ST6GALNAC3: variants seen among roughly 807,000 people sequenced by gnomAD.
The protein encoded by ST6GALNAC3 is alpha-N-acetylgalactosaminide alpha-2,6-sialyltransferase 3.
Under a neutral mutation model 32.7 loss-of-function variants are expected in ST6GALNAC3, and 25 were observed. The observed-to-expected ratio is 0.76, with a 90% confidence interval of 0.56 to 1.07. The LOEUF (loss-of-function observed/expected upper bound fraction) is 1.07, where lower values mean the gene tolerates loss of function less well. ST6GALNAC3 is among the 50% of genes least tolerant of loss of function. The probability of loss-of-function intolerance (pLI) is 0.00; values close to 1 mark genes in which losing one functional copy is unlikely to be tolerated. For missense variants in ST6GALNAC3, 355 were observed against 382.4 expected, an observed-to-expected ratio of 0.93 and a Z score of 0.60; for synonymous variants, 129 against 133.1, an observed-to-expected ratio of 0.97 and a Z score of 0.21.
chr1:76,097,620 G>A (rs1209773489), intron 1 of ST6GALNAC3, among the ~76,000 whole-genome samples: 1 of 152,084 alleles, frequency 6.6e-6, no homozygotes, highest in Non-Finnish European at 1.5e-5. Context: ...GACTAATACA[G>A]CTTCTTTTTT....
chr1:76,449,777 T>C (rs983199282), intron 3 of ST6GALNAC3, among the ~76,000 whole-genome samples: 1 of 152,260 alleles, frequency 6.6e-6, no homozygotes, highest in Non-Finnish European at 1.5e-5. Context: ...AACGGTCTTT[T>C]GTCAGATTGC....
intron 1 of ST6GALNAC3, among the ~76,000 whole-genome samples, chr1:76,178,588 T>C (rs1320347544): frequency 1.3e-5 from 2 of 152,148 alleles, no homozygotes; most frequent in African/African-American, 2.4e-5. Flanking sequence ...GATTATCTGA[T>C]GTACAGCCGG....
At chr1:76,291,548 A>C (rs1660092223) in intron 1 of ST6GALNAC3, among the ~76,000 whole-genome samples, 1 of 152,270 alleles carries the variant, frequency 6.6e-6, no homozygotes, top group African/African-American at 2.4e-5. Flanking sequence ...AAGTGGGAAA[A>C]GAACATTTTG....
At chr1:76,310,264 C>G (rs556117203) in intron 1 of ST6GALNAC3, among the ~76,000 whole-genome samples, 3 of 152,274 alleles carry the variant, frequency 2.0e-5, no homozygotes, top group African/African-American at 7.2e-5. Context: ...GTCTATGTCC[C>G]TTTAAACTTG....
At chr1:76,484,970 T>C (rs1280607901) in intron 3 of ST6GALNAC3, among the ~76,000 whole-genome samples, 2 of 152,194 alleles carry the variant, frequency 1.3e-5, no homozygotes. Flanking sequence ...TCTGCATCTA[T>C]TGAGATAACC....
intron 1 of ST6GALNAC3, among the ~76,000 whole-genome samples, chr1:76,203,550 T>G (rs1210357776): frequency 2.0e-5 from 3 of 152,032 alleles, no homozygotes; most frequent in Non-Finnish European, 4.4e-5. Flanking sequence ...TACAAGAAAG[T>G]TTATGTTTAA....
Position 76,232,165 on chromosome 1 carries a change from T to C in ST6GALNAC3, c.19-81640T>C, listed in dbSNP as rs78683475. ...AGCATGTTCAGAATTGTTTTACCTA[T>C]AGTGGTTGACGCTGGACAGAAAGAA... On this transcript the variant is annotated intron_variant, in intron 1 of 4. Coordinates refer to ENST00000328299, the MANE Select transcript of ST6GALNAC3 (RefSeq NM_152996.4). Among the ~76,000 whole-genome samples the C allele has an allele frequency of 5.9e-3, 900 of 152,326 alleles. 3 individuals are homozygous for C. The highest frequency in any genetic ancestry group is 0.01 in the Non-Finnish European group (701 of 68,024).
intron 1 of ST6GALNAC3, among the ~76,000 whole-genome samples, chr1:76,132,739 G>A (rs180702918): frequency 2.4e-4 from 36 of 152,204 alleles, no homozygotes; most frequent in African/African-American, 6.0e-4. Flanking sequence ...CCACCACCTC[G>A]CTCATTGTCA....
At chr1:76,445,101 A>G (rs568552935) in intron 3 of ST6GALNAC3, among the ~76,000 whole-genome samples, 1 of 152,210 alleles carries the variant, frequency 6.6e-6, no homozygotes, top group Non-Finnish European at 1.5e-5. Flanking sequence ...AACATTTGTC[A>G]GTAGTTTTAT....
intron 1 of ST6GALNAC3, among the ~76,000 whole-genome samples, chr1:76,201,679 A>G (rs951806134): frequency 6.6e-6 from 1 of 152,188 alleles, no homozygotes; most frequent in Admixed American, 6.5e-5. Context: ...GACTGGAATA[A>G]ACTACATTTT....
chr1:76,272,779 A>C (rs1471581560), intron 1 of ST6GALNAC3, among the ~76,000 whole-genome samples: 1 of 152,246 alleles, frequency 6.6e-6, no homozygotes, highest in Non-Finnish European at 1.5e-5. Context: ...CACAACAGTA[A>C]TTGTGAGCAA....
intron 3 of ST6GALNAC3, among the ~76,000 whole-genome samples, chr1:76,583,506 A>G (rs1646919845): frequency 6.6e-6 from 1 of 151,826 alleles, no homozygotes; most frequent in African/African-American, 2.4e-5. Flanking sequence ...ACATCCCTGT[A>G]GGATTGCCCA....
intron 1 of ST6GALNAC3, among the ~76,000 whole-genome samples, chr1:76,198,817 G>A (rs750553822): frequency 2.6e-5 from 4 of 152,124 alleles, no homozygotes; most frequent in African/African-American, 4.8e-5. Context: ...GGTAGAGTTC[G>A]GTTTCTGGAA....
At chr1:76,228,286 A>T (rs1162515089) in intron 1 of ST6GALNAC3, among the ~76,000 whole-genome samples, 1 of 152,226 alleles carries the variant, frequency 6.6e-6, no homozygotes, top group Non-Finnish European at 1.5e-5. Flanking sequence ...GATTCCTGTA[A>T]GAACAATCTC....
At chr1:76,399,498 G>A (rs1653240285) in intron 2 of ST6GALNAC3, among the ~76,000 whole-genome samples, 2 of 152,144 alleles carry the variant, frequency 1.3e-5, no homozygotes, top group Non-Finnish European at 2.9e-5. Context: ...GGGTCAATGT[G>A]TCTGCCCTTG....
intron 1 of ST6GALNAC3, among the ~76,000 whole-genome samples, chr1:76,106,547 A>G (rs1647549105): frequency 6.6e-6 from 1 of 152,252 alleles, no homozygotes; most frequent in Admixed American, 6.5e-5. Context: ...GATGGCCCCC[A>G]ATGCTTTGTG....
intron 1 of ST6GALNAC3, among the ~76,000 whole-genome samples, chr1:76,152,137 A>G (rs1216269043): frequency 6.6e-6 from 1 of 152,208 alleles, no homozygotes; most frequent in Non-Finnish European, 1.5e-5. Flanking sequence ...AAGCAAAAGA[A>G]TGGCTGAGCG....
intron 3 of ST6GALNAC3, among the ~76,000 whole-genome samples, chr1:76,592,713 C>A (rs1452765743): frequency 6.6e-6 from 1 of 152,088 alleles, no homozygotes; most frequent in African/African-American, 2.4e-5. Context: ...TCCCCACTGC[C>A]CAAATTCCTG....
At chr1:76,279,925 A>G (rs1570674327) in intron 1 of ST6GALNAC3, among the ~76,000 whole-genome samples, 1 of 152,318 alleles carries the variant, frequency 6.6e-6, no homozygotes, top group South Asian at 2.1e-4. Flanking sequence ...GTGTTTTCCT[A>G]TTATAAAGAG....
Sources: gnomAD v4.1 joint callset for allele counts (sites outside exome capture counted in the v4.1 genomes callset) on GRCh38, gnomAD v4.1.1 for gene constraint, MANE v1.5 for transcripts, NCBI Gene and HGNC (gene_info 2026-07-23, HGNC 2026-07-21) for gene names.